ITGA2: variants seen among roughly 807,000 people sequenced by gnomAD.
ITGA2 encodes integrin subunit alpha 2, also known as integrin alpha-2.
Under a neutral mutation model 146.3 loss-of-function variants are expected in ITGA2, and 101 were observed. The ratio of observed to expected loss-of-function variants is 0.69; its 90% CI spans 0.59 to 0.81. The LOEUF (loss-of-function observed/expected upper bound fraction) is 0.81. Ranked by LOEUF, ITGA2 falls within the 40% of genes least tolerant of loss-of-function variation. The probability of loss-of-function intolerance (pLI) is 0.00; values close to 1 mark genes in which losing one functional copy is unlikely to be tolerated. For missense variants in ITGA2, 1,281 were observed against 1,402.7 expected (o/e 0.91, Z 1.39); for synonymous variants, 477 against 487.1 (o/e 0.98, Z 0.27).
At position 53,090,586 on chromosome 5, in the gene ITGA2, A is replaced by G. The variant is rs1740365280; in HGVS notation, c.3533A>G (p.Glu1178Gly). Residue 1178 changes from glutamate (E) to glycine (G), a missense_variant, in exon 30 of 30, where the codon GAG (glutamate) becomes GGG (glycine). Glu to Gly is a moderately conservative substitution (Grantham distance 98). This residue lies in a region of ITGA2 where 475 missense variants were observed against 530.5 expected (regional missense o/e 0.90). Coordinates refer to ENST00000296585, the MANE Select transcript of ITGA2 (RefSeq NM_002203.4). ...CCAGATGAGATTGATGAGACCACAG[A>G]GCTCAGTAGCTGAACCAGCAGACCT... ...KNPDEIDETT[E>G]LSS is the part of the protein sequence containing the mutation. 6.2e-7 allele frequency: 1 copy of G among 1,613,964 alleles called. No individual in the cohort carries two copies. The highest frequency in any genetic ancestry group is 8.5e-7 in the Non-Finnish European group (1 of 1,179,834).
intron 1 of ITGA2, among the ~76,000 whole-genome samples, chr5:53,020,476 G>C (rs914611436): frequency 6.6e-6 from 1 of 152,078 alleles, no homozygotes; most frequent in African/African-American, 2.4e-5. Flanking sequence ...ATGAAAGTAA[G>C]AGTCAAATGC....
At chr5:53,069,343 G>A (rs1212457670) in intron 16 of ITGA2, among the ~76,000 whole-genome samples, 1 of 151,802 alleles carries the variant, frequency 6.6e-6, no homozygotes, top group African/African-American at 2.4e-5. Context: ...TTCAAAGAGG[G>A]TAAGTAAATT....
chr5:53,089,275 C>A (rs1015409940), intron 28 of ITGA2: 1 of 152,046 alleles, frequency 6.6e-6, no homozygotes, highest in African/African-American at 2.4e-5. Context: ...GAGACACTTT[C>A]CCCAATTAAT....
At chr5:53,018,977 T>C (rs764952186) in intron 1 of ITGA2, among the ~76,000 whole-genome samples, 1 of 152,030 alleles carries the variant, frequency 6.6e-6, no homozygotes, top group Non-Finnish European at 1.5e-5. Context: ...GATATGAGAA[T>C]TGCTTGAACC....
chr5:53,053,368 C>G (rs1245171577), intron 7 of ITGA2, among the ~76,000 whole-genome samples: 1 of 152,158 alleles, frequency 6.6e-6, no homozygotes, highest in African/African-American at 2.4e-5. Context: ...TCATAAGCTG[C>G]TGGCCAGTCA....
chr5:53,048,556 C>T (rs1744202387), intron 5 of ITGA2, 79 bp downstream of exon 5: 6 of 1,609,528 alleles, frequency 3.7e-6, no homozygotes, highest in Non-Finnish European at 5.1e-6. Context: ...CTAGTGGCAC[C>T]CAAACCCTCC....
intron 16 of ITGA2, 99 bp downstream of exon 16, chr5:53,067,356 G>T: frequency 7.5e-7 from 1 of 1,327,396 alleles, no homozygotes; most frequent in Non-Finnish European, 1.1e-6. Flanking sequence ...GAGAAATAAG[G>T]GTTTTAGTTA....
intron 2 of ITGA2, among the ~76,000 whole-genome samples, chr5:53,039,422 A>T (rs769792558): frequency 6.6e-6 from 1 of 152,130 alleles, no homozygotes; most frequent in Non-Finnish European, 1.5e-5. Flanking sequence ...AACTTGGTTG[A>T]TTTGTTTTTT....
rs960312981 is a variant in ITGA2 at position 53,090,890 on chromosome 5, G to T, written c.*291G>T. On this transcript the variant is annotated 3_prime_UTR_variant, in exon 30 of 30. Transcript: ENST00000296585. ...CAGAGTTTACATTCTAATTTGCATTGTGTCAGAAACATGAAATGCTTCCAA... is the reference window on the plus strand; with the variant it reads ...CAGAGTTTACATTCTAATTTGCATTTTGTCAGAAACATGAAATGCTTCCAA... The T allele has an allele frequency of 5.2e-6, 3 of 578,568 alleles. No individual in the cohort carries two copies. The highest frequency in any genetic ancestry group is 3.7e-5 in the African/African-American group (2 of 53,542). The allele number at this position is 578,568 out of a possible 1,614,324, so 35.8% of individuals were successfully genotyped here.
rs1554050585 is a variant in ITGA2 at position 52,989,814 on chromosome 5, G to GCGCA, written c.64+283_64+284insGCAC. On this transcript the variant is annotated intron_variant, in intron 1 of 29. Coordinates refer to ENST00000296585, the MANE Select transcript of ITGA2 (RefSeq NM_002203.4). ...AGTGCTTTGTTTTAGGTACACACAC[G>GCGCA]CACACACACACACACACACACAGAC... 4.1e-5 allele frequency among the ~76,000 whole-genome samples: 6 copies of GCGCA among 145,978 alleles called. No homozygotes were observed. In the South Asian group the frequency reaches 6.5e-4, roughly 16 times the overall value.
chr5:53,091,990 A>G lies in ITGA2; in HGVS notation c.*1391A>G, dbSNP rs2112058546. On this transcript the variant is annotated 3_prime_UTR_variant, in exon 30 of 30. Transcript: ENST00000296585. ...AATTTGACCTAGGCAAGTTTGTTCAAAAGGTAGATCCTGAGATGATTTGGT... is the reference window on the plus strand; with the variant it reads ...AATTTGACCTAGGCAAGTTTGTTCAGAAGGTAGATCCTGAGATGATTTGGT... 1 of 152,298 alleles carries G rather than the reference A, an allele frequency of 6.6e-6. No individual in the cohort carries two copies. Among genetic ancestry groups the G allele is most frequent in the South Asian group, 2.1e-4 (1 of 4,826 alleles). The allele number at this position is 152,298 out of a possible 1,614,324, so 9.4% of individuals were successfully genotyped here.
chr5:53,055,496 A>G (rs377478203), intron 7 of ITGA2, 42 bp from the exon 8 acceptor site: 9 of 1,595,810 alleles, frequency 5.6e-6, no homozygotes, highest in Admixed American at 5.0e-5. Flanking sequence ...TATTAACTTC[A>G]TATTTTGATA....
At chr5:53,012,824 TTTGACTTGTA>T (rs1269093055) in intron 1 of ITGA2, among the ~76,000 whole-genome samples, 1 of 152,194 alleles carries the variant, frequency 6.6e-6, no homozygotes, top group Non-Finnish European at 1.5e-5. Context: ...TCACTGTGGC[TTTGACTTGTA>T]TTTCTCTAAA....
At chr5:53,073,557 G>A (rs916559779) in intron 20 of ITGA2, among the ~76,000 whole-genome samples, 2 of 151,864 alleles carry the variant, frequency 1.3e-5, no homozygotes, top group Admixed American at 6.6e-5. Flanking sequence ...CTGCACAGAT[G>A]TGGTGCACTT....
intron 12 of ITGA2, among the ~76,000 whole-genome samples, chr5:53,061,251 T>C (rs192190): frequency 6.6e-6 from 1 of 151,922 alleles, no homozygotes; most frequent in Non-Finnish European, 1.5e-5. Flanking sequence ...ACTGGGAATT[T>C]AGCTAGCTTT....
chr5:53,010,055 T>C (rs184045271), intron 1 of ITGA2, among the ~76,000 whole-genome samples: 46 of 152,218 alleles, frequency 3.0e-4, no homozygotes, highest in Admixed American at 2.9e-3. Context: ...AGACATCCTT[T>C]TGTGGAAAAG....
Position 53,081,637 on chromosome 5 carries a change from G to A in ITGA2, c.3085G>A (p.Gly1029Arg). ...TGCAGATATCAATCCACTGAAAATA[G>A]GACAAACATCTTCTTCTGTATCTTT... is the stretch of plus-strand genomic sequence containing the variant. ...CNADINPLKI[G>R]QTSSSVSFKS... The change falls in exon 26 of 30, where the codon GGA (glycine) becomes AGA (arginine). Residue 1029 changes from glycine to arginine, a missense_variant. Gly to Arg is a moderately radical substitution (Grantham distance 125). Around this residue, in one of 3 missense-constraint regions of ITGA2, gnomAD observed 475 missense variants for 530.5 expected, o/e 0.90. Transcript: ENST00000296585. 6.2e-7 allele frequency: 1 copy of A among 1,613,228 alleles called. No homozygotes were observed. The highest frequency in any genetic ancestry group is 8.5e-7 in the Non-Finnish European group (1 of 1,179,674).
At chr5:53,047,394 G>C (rs756526319) in intron 4 of ITGA2, among the ~76,000 whole-genome samples, 2 of 152,014 alleles carry the variant, frequency 1.3e-5, no homozygotes, top group Admixed American at 6.6e-5. Flanking sequence ...GGAGTTTTTG[G>C]CATTCAAGGA....
chr5:53,078,574 A>G (rs1165049138), intron 23 of ITGA2, among the ~76,000 whole-genome samples, 198 bp from the exon 24 acceptor site: 1 of 152,174 alleles, frequency 6.6e-6, no homozygotes, highest in Non-Finnish European at 1.5e-5. Context: ...ATATGTTTTC[A>G]AAGGAATTTA....
Sources: gnomAD v4.1 joint callset for allele counts (sites outside exome capture counted in the v4.1 genomes callset) on GRCh38, gnomAD v4.1.1 for gene constraint, gnomAD v4.1.1 regional missense constraint, MANE v1.5 for transcripts, NCBI Gene and HGNC (gene_info 2026-07-23, HGNC 2026-07-21) for gene names.